Variants in STAU2 observed in about 807,000 individuals in gnomAD.
STAU2 encodes the protein staufen double-stranded RNA binding protein 2, also known as double-stranded RNA-binding protein Staufen homolog 2.
Under a neutral mutation model 65.9 loss-of-function variants are expected in STAU2, and 20 were observed. The observed-to-expected ratio is 0.30, with a 90% CI of 0.21 to 0.44. The LOEUF (loss-of-function observed/expected upper bound fraction) is 0.44. STAU2 is among the 20% of genes least tolerant of loss of function. STAU2 has a pLI of 1.00. For missense variants in STAU2, 558 were observed against 683.9 expected (o/e 0.82, Z 2.05); for synonymous variants, 232 against 233.9 (o/e 0.99, Z 0.07).
intron 13 of STAU2, among the ~76,000 whole-genome samples, chr8:73,502,756 T>C (rs1418240157): frequency 6.6e-6 from 1 of 152,038 alleles, no homozygotes; most frequent in Non-Finnish European, 1.5e-5. Context: ...TGTGTTGTTG[T>C]TGTTGTTGTT....
At chr8:73,637,290 T>C (rs1180673478) in intron 6 of STAU2, among the ~76,000 whole-genome samples, 2 of 151,074 alleles carry the variant, frequency 1.3e-5, no homozygotes, top group Non-Finnish European at 3.0e-5. Context: ...TTCAAGAAGC[T>C]CAGTGAACTA....
intron 3 of STAU2, among the ~76,000 whole-genome samples, chr8:73,725,315 G>T (rs1262472927): frequency 6.6e-6 from 1 of 151,968 alleles, no homozygotes; most frequent in African/African-American, 2.4e-5. Flanking sequence ...TGTCGTATAG[G>T]AATTGTTCTA....
chr8:73,508,212 CATG>C (rs1822179036), intron 13 of STAU2, among the ~76,000 whole-genome samples: 1 of 152,224 alleles, frequency 6.6e-6, no homozygotes, highest in African/African-American at 2.4e-5. Flanking sequence ...CAGCTTATGA[CATG>C]CCTTCCTCAC....
intron 13 of STAU2, chr8:73,527,754 T>C: frequency 1.3e-6 from 2 of 1,536,796 alleles, no homozygotes. Flanking sequence ...CAGGGGCTAA[T>C]GTCAGACAGG....
chr8:73,443,428 A>G (rs1489419752), intron 13 of STAU2, among the ~76,000 whole-genome samples: 2 of 152,250 alleles, frequency 1.3e-5, no homozygotes, highest in African/African-American at 4.8e-5. Context: ...ATGAATGAAT[A>G]CATGCATAGA....
intron 13 of STAU2, chr8:73,458,847 A>G (rs1184768981): frequency 6.6e-6 from 1 of 152,256 alleles, no homozygotes; most frequent in East Asian, 1.9e-4. Flanking sequence ...AAGGGCAGTA[A>G]CACTTGACAT....
chr8:73,547,322 C>T (rs1261513320), intron 13 of STAU2, among the ~76,000 whole-genome samples: 1 of 150,502 alleles, frequency 6.6e-6, no homozygotes, highest in East Asian at 1.9e-4. Context: ...TTTATATGCA[C>T]CAGGATTTCT....
intron 13 of STAU2, among the ~76,000 whole-genome samples, chr8:73,445,918 C>T (rs971792272): frequency 1.3e-5 from 2 of 152,208 alleles, no homozygotes; most frequent in Admixed American, 6.5e-5. Context: ...AATAGCGTGG[C>T]AGTTTCATAA....
At chr8:73,680,269 G>A (rs1306255581) in intron 5 of STAU2, among the ~76,000 whole-genome samples, 2 of 151,992 alleles carry the variant, frequency 1.3e-5, no homozygotes, top group African/African-American at 2.4e-5. Flanking sequence ...TTCTTAGCAG[G>A]AAGACTTCTA....
At chr8:73,546,701 T>C (rs1234466973) in intron 13 of STAU2, among the ~76,000 whole-genome samples, 5 of 152,076 alleles carry the variant, frequency 3.3e-5, no homozygotes, top group Non-Finnish European at 7.4e-5. Context: ...ACAATACATA[T>C]GAAATTTCAG....
chr8:73,605,156 A>AAT (rs1020983966), intron 9 of STAU2, among the ~76,000 whole-genome samples: 5 of 151,964 alleles, frequency 3.3e-5, no homozygotes, highest in Admixed American at 1.3e-4. Context: ...GCTACAGAAT[A>AAT]ATATATATAT....
intron 12 of STAU2, 64 bp downstream of exon 12, chr8:73,582,706 T>A: frequency 6.6e-7 from 1 of 1,503,992 alleles, no homozygotes; most frequent in Non-Finnish European, 9.2e-7. Context: ...CCAATCCCAG[T>A]GACAGCTAGT....
chr8:73,437,658 A>G, intron 13 of STAU2, among the ~76,000 whole-genome samples: 1 of 152,152 alleles, frequency 6.6e-6, no homozygotes, highest in East Asian at 1.9e-4. Context: ...TTTAAGGGGG[A>G]CTGAAAGTCA....
chr8:73,615,274 T>C (rs931462539), intron 8 of STAU2, among the ~76,000 whole-genome samples: 2 of 152,212 alleles, frequency 1.3e-5, no homozygotes, highest in African/African-American at 4.8e-5. Context: ...GAGGTTAAAG[T>C]GAAACATATT....
rs200252734 is a variant in STAU2, at chr8:73,498,633, AG to A, written c.1530+53378del. 2.7e-3 allele frequency among the ~76,000 whole-genome samples: 413 copies of A among 151,538 alleles called. 2 individuals carry two copies. The highest frequency in any genetic ancestry group is 7.5e-3 in the African/African-American group (311 of 41,416). ...TGATAGGCATGGCGCTGACATAAAAAGAAAATCATAAAGACAAACACATAGA... is the reference window on the plus strand; with the variant it reads ...TGATAGGCATGGCGCTGACATAAAAAAAAATCATAAAGACAAACACATAGA... On this transcript the variant is annotated intron_variant, in intron 13 of 14. Coordinates refer to ENST00000524300, the MANE Select transcript of STAU2 (RefSeq NM_001164380.2).
intron 12 of STAU2, among the ~76,000 whole-genome samples, chr8:73,574,373 A>T (rs1235426941): frequency 2.6e-5 from 4 of 152,246 alleles, no homozygotes; most frequent in African/African-American, 9.6e-5. Context: ...CTAGAACTAG[A>T]AATACCATTT....
rs1816380635 is a variant in STAU2 at position 73,421,610 on chromosome 8, T to C, written c.1620-145A>G. ...AACAACAATATTTATGTTCAGATAG[T>C]CTACTGATGAGATCATGTGGAAATG... is the stretch of plus-strand genomic sequence containing the variant. On this transcript the variant is annotated intron_variant, in intron 14 of 14. Transcript: ENST00000524300. 5.7e-6 allele frequency: 4 copies of C among 705,852 alleles called. No homozygotes were observed. The East Asian group carries it at 1.1e-4, about 19-fold the overall frequency. 43.7% of individuals were successfully genotyped at this position (705,852 alleles called of 1,614,324 possible). A position where few individuals can be genotyped will look rare whatever the true frequency, so the allele number is the denominator to read the frequency against.
At chr8:73,494,956 A>T (rs1015992285) in intron 13 of STAU2, among the ~76,000 whole-genome samples, 1 of 151,646 alleles carries the variant, frequency 6.6e-6, no homozygotes, top group Non-Finnish European at 1.5e-5. Flanking sequence ...GAACCATAAG[A>T]TACTGCAAAG....
intron 12 of STAU2, among the ~76,000 whole-genome samples, chr8:73,552,951 CCATCTCTGATTTACTCATAAG>C (rs1807444289): frequency 1.3e-5 from 2 of 152,202 alleles, no homozygotes. Flanking sequence ...CTCCTGGCAA[CCATCTCTGATTTACTCATAAG>C]CAAGTAGTTA....
Sources: allele counts gnomAD v4.1 joint callset (sites outside exome capture counted in the v4.1 genomes callset), GRCh38; gene constraint gnomAD v4.1.1; transcripts MANE v1.5; gene names NCBI Gene and HGNC (gene_info 2026-07-23, HGNC 2026-07-21).